Variants in TBXAS1 observed in about 807,000 individuals in gnomAD.
TBXAS1 encodes thromboxane-A synthase.
TBXAS1 carries 48 observed loss-of-function variants against 60.7 expected under a neutral mutation model. That is an observed-to-expected ratio of 0.79 (90% CI 0.63 to 1.01). TBXAS1 has a LOEUF of 1.01. Among genes scored for constraint, TBXAS1 ranks in the 50% least tolerant of loss-of-function variants. TBXAS1 has a pLI of 0.00. For synonymous variants in TBXAS1, 287 were observed against 269.7 expected (o/e 1.06, Z -0.63); for missense variants, 685 against 686.3 (o/e 1.00, Z 0.02).
chr7:140,017,581 T>C, intron 11 of TBXAS1, 90 bp from the exon 12 acceptor site: 1 of 1,550,872 alleles, frequency 6.4e-7, no homozygotes, highest in Non-Finnish European at 8.8e-7. Context: ...CATCCTTGTC[T>C]CAGATGCAGG....
At chr7:139,901,289 T>G (rs2116991531) in intron 3 of TBXAS1, among the ~76,000 whole-genome samples, 1 of 150,894 alleles carries the variant, frequency 6.6e-6, no homozygotes, top group East Asian at 1.9e-4. Context: ...CTAAAGGAAT[T>G]GTTGCAAAAT....
At chr7:140,015,206 G>A (rs956043844) in intron 10 of TBXAS1, among the ~76,000 whole-genome samples, 1 of 152,146 alleles carries the variant, frequency 6.6e-6, no homozygotes, top group East Asian at 1.9e-4. Flanking sequence ...ATCTTGGCAT[G>A]GGGACCATCC....
At chr7:139,956,663 C>T (rs1462371332) in intron 7 of TBXAS1, among the ~76,000 whole-genome samples, 2 of 152,252 alleles carry the variant, frequency 1.3e-5, no homozygotes, top group Non-Finnish European at 2.9e-5. Flanking sequence ...TCACTGGCTC[C>T]GCCCTGAAAT....
chr7:139,929,969 G>T (rs1364532297), intron 4 of TBXAS1, among the ~76,000 whole-genome samples: 1 of 152,170 alleles, frequency 6.6e-6, no homozygotes, highest in Non-Finnish European at 1.5e-5. Context: ...ACTCTGCTAT[G>T]ACTACCTGTG....
Position 139,998,567 on chromosome 7 carries a change from A to G in TBXAS1, c.1135-8524A>G, listed in dbSNP as rs182467839. 3.7e-3 allele frequency among the ~76,000 whole-genome samples: 564 copies of G among 152,326 alleles called. 3 individuals carry two copies. The highest frequency in any genetic ancestry group is 0.01 in the Middle Eastern group (3 of 294). ...TCTGGTTTTTTTTCATCTATAAAAT[A>G]GACAATAAAAGCTGCTCTACCTACC... On this transcript the variant is annotated intron_variant, in intron 9 of 12. Coordinates refer to ENST00000448866, the MANE Select transcript of TBXAS1 (RefSeq NM_001061.7).
At chr7:139,905,047 C>CTTTCTTTCT (rs1325673206) in intron 3 of TBXAS1, among the ~76,000 whole-genome samples, 1 of 86,384 alleles carries the variant, frequency 1.2e-5, no homozygotes, top group South Asian at 4.2e-4. Context: ...TTCTTTCTTT[C>CTTTCTTTCT]TTTCTTTCTT....
intron 9 of TBXAS1, among the ~76,000 whole-genome samples, chr7:139,972,043 G>T (rs773270523): frequency 3.9e-5 from 6 of 152,166 alleles, no homozygotes; most frequent in South Asian, 2.1e-4. Flanking sequence ...GGGAGGCAGG[G>T]TGAAGAGCAG....
chr7:139,990,394 T>C (rs947079759), intron 9 of TBXAS1, among the ~76,000 whole-genome samples: 1 of 152,208 alleles, frequency 6.6e-6, no homozygotes, highest in African/African-American at 2.4e-5. Flanking sequence ...CTACTGCAGC[T>C]ACCTGTGTCT....
intron 1 of TBXAS1, among the ~76,000 whole-genome samples, chr7:139,854,942 C>T (rs1166130213): frequency 1.3e-5 from 2 of 152,180 alleles, no homozygotes; most frequent in Non-Finnish European, 1.5e-5. Flanking sequence ...GTGGCTTTCA[C>T]ACCTCCGCAT....
chr7:139,851,810 C>T (rs1290388462), intron 1 of TBXAS1, among the ~76,000 whole-genome samples: 1 of 152,194 alleles, frequency 6.6e-6, no homozygotes, highest in Admixed American at 6.5e-5. Flanking sequence ...AGACAGCCTC[C>T]AAGAGGGCCC....
intron 4 of TBXAS1, among the ~76,000 whole-genome samples, chr7:139,923,161 A>AATATATATATATATATATATATAT (rs147721420): frequency 1.8e-4 from 27 of 150,244 alleles, no homozygotes; most frequent in African/African-American, 6.3e-4. Context: ...CTACTAAACA[A>AATATATATATATATATATATATAT]ATATATATAT....
chr7:139,794,799 A>G (rs904758654), intron 4 of TBXAS1, among the ~76,000 whole-genome samples: 1 of 150,960 alleles, frequency 6.6e-6, no homozygotes, highest in Non-Finnish European at 1.5e-5. Context: ...TTTACTGAGA[A>G]TGATGTTTTC....
At position 139,831,424 on chromosome 7, in the gene TBXAS1, T is replaced by C. The variant is rs183268585; in HGVS notation, c.89+1945T>C. Among the ~76,000 whole-genome samples, 382 of 152,338 alleles carry C rather than the reference T, an allele frequency of 2.5e-3. 1 individual carries two copies. Among genetic ancestry groups the C allele is most frequent in the Non-Finnish European group, 4.2e-3 (283 of 68,040 alleles). On this transcript the variant is annotated intron_variant, in intron 1 of 12. Coordinates refer to ENST00000448866, the MANE Select transcript of TBXAS1 (RefSeq NM_001061.7). ...GAGGCAAGGCCCCCTTCCTGCTTCA[T>C]TGTCTTGAAAGGATATGTGTGGAAG... is the stretch of plus-strand genomic sequence containing the variant.
At chr7:139,845,161 C>T (rs1264572285) in intron 1 of TBXAS1, among the ~76,000 whole-genome samples, 6 of 152,160 alleles carry the variant, frequency 3.9e-5, no homozygotes, top group Non-Finnish European at 7.3e-5. Flanking sequence ...TCCCACGGGT[C>T]TCCCTGCCTT....
At chr7:139,839,733 G>A (rs1461294507) in intron 1 of TBXAS1, among the ~76,000 whole-genome samples, 5 of 150,470 alleles carry the variant, frequency 3.3e-5, no homozygotes, top group Admixed American at 2.0e-4. Context: ...GTGCGAGTCT[G>A]TAATCTCAGC....
At chr7:140,010,495 C>T (rs1020364070) in intron 10 of TBXAS1, among the ~76,000 whole-genome samples, 6 of 152,266 alleles carry the variant, frequency 3.9e-5, no homozygotes, top group Non-Finnish European at 8.8e-5. Flanking sequence ...AGGGAAGGCC[C>T]TATTTTCCAG....
At chr7:139,969,352 G>A (rs1285985146) in intron 9 of TBXAS1, among the ~76,000 whole-genome samples, 2 of 148,498 alleles carry the variant, frequency 1.3e-5, no homozygotes, top group Non-Finnish European at 3.0e-5. Flanking sequence ...TTCTGTGCTG[G>A]TTATTTCAGC....
At chr7:139,814,308 A>G (rs533278243) in intron 4 of TBXAS1, among the ~76,000 whole-genome samples, 1 of 152,300 alleles carries the variant, frequency 6.6e-6, no homozygotes, top group Admixed American at 6.5e-5. Flanking sequence ...TGGGAAAATT[A>G]GCTGGCATGA....
At chr7:139,807,412 T>A (rs1797905467) in intron 4 of TBXAS1, among the ~76,000 whole-genome samples, 1 of 150,650 alleles carries the variant, frequency 6.6e-6, no homozygotes, top group Non-Finnish European at 1.5e-5. Context: ...TTAGATGGAG[T>A]CTCGCTCTGT....
Sources: allele counts gnomAD v4.1 joint callset (sites outside exome capture counted in the v4.1 genomes callset), GRCh38; gene constraint gnomAD v4.1.1; transcripts MANE v1.5; gene names NCBI Gene and HGNC (gene_info 2026-07-23, HGNC 2026-07-21).